Variants in GSE1 observed in about 807,000 individuals in gnomAD.
The protein encoded by GSE1 is genetic suppressor element 1.
In GSE1, 32 loss-of-function variants were observed where a neutral mutation model predicts 112.6. That is an observed-to-expected ratio of 0.28 (90% confidence interval 0.21 to 0.38). GSE1 has a LOEUF of 0.38. Ranked by LOEUF, GSE1 falls within the 10% of genes least tolerant of loss-of-function variation. GSE1 has a pLI of 1.00. For synonymous variants in GSE1, 1,115 were observed against 735.6 expected (o/e 1.52, Z -8.35); for missense variants, 2,348 against 1,699.2 (o/e 1.38, Z -6.71).
chr16:85,606,172 T>C (rs574245079), intron 1 of GSE1, among the ~76,000 whole-genome samples: 178 of 152,318 alleles, frequency 1.2e-3, no homozygotes, highest in African/African-American at 4.2e-3. Flanking sequence ...TGGGATTTTA[T>C]AAAAGCCTGC....
At chr16:85,429,542 T>G (rs1245601425) in intron 2 of GSE1, among the ~76,000 whole-genome samples, 2 of 152,206 alleles carry the variant, frequency 1.3e-5, no homozygotes, top group Admixed American at 6.5e-5. Context: ...CCCATGTCCC[T>G]GGGGACAAAA....
intron 1 of GSE1, among the ~76,000 whole-genome samples, chr16:85,625,147 C>A (rs1174402520): frequency 6.6e-6 from 1 of 152,294 alleles, no homozygotes; most frequent in East Asian, 1.9e-4. Context: ...CGCCTCCCTG[C>A]CGAGGCCAGG....
chr16:85,180,469 A>G (rs941836140), intron 1 of GSE1, among the ~76,000 whole-genome samples: 2 of 152,244 alleles, frequency 1.3e-5, no homozygotes, highest in African/African-American at 4.8e-5. Context: ...GGCTCTGATG[A>G]GAGCTGCAAG....
At chr16:85,457,862 C>T (rs2049871960) in intron 2 of GSE1, among the ~76,000 whole-genome samples, 1 of 152,226 alleles carries the variant, frequency 6.6e-6, no homozygotes, top group Admixed American at 6.5e-5. Flanking sequence ...TAAGGACTGG[C>T]AGTGTGCAGG....
Position 85,655,873 on chromosome 16 carries a change from G to C in GSE1, c.945G>C (p.Leu315=). The change falls in exon 6 of 16, where the codon CTG becomes CTC. Residue 315 remains leucine, a synonymous_variant. Transcript: ENST00000253458. ...CTCCCGAGCTCTCCCACTCATCCCT[G>C]GCAGCGCTGCACTCGGAGCGCATGT... ...RYPPELSHSS[L]AALHSERMSG... 1 of 1,608,248 alleles carries C rather than the reference G, an allele frequency of 6.2e-7. No individual in the cohort carries two copies. Among genetic ancestry groups the C allele is most frequent in the Non-Finnish European group, 8.5e-7 (1 of 1,179,876 alleles).
chr16:85,195,732 G>T (rs2074914279), intron 1 of GSE1, among the ~76,000 whole-genome samples: 1 of 152,194 alleles, frequency 6.6e-6, no homozygotes, highest in African/African-American at 2.4e-5. Flanking sequence ...AGAAGACTCA[G>T]GATGCACCAG....
intron 1 of GSE1, among the ~76,000 whole-genome samples, chr16:85,632,607 T>A (rs893705751): frequency 6.6e-6 from 1 of 152,190 alleles, no homozygotes; most frequent in Non-Finnish European, 1.5e-5. Context: ...TCAATGTCAC[T>A]TAGAATCTGG....
At chr16:85,625,099 C>T (rs943420593) in intron 1 of GSE1, among the ~76,000 whole-genome samples, 2 of 152,186 alleles carry the variant, frequency 1.3e-5, no homozygotes, top group Non-Finnish European at 2.9e-5. Flanking sequence ...CTCAGGGCCC[C>T]GCCCTCTCCC....
chr16:85,438,534 C>T (rs1268040880), intron 2 of GSE1, among the ~76,000 whole-genome samples: 1 of 152,174 alleles, frequency 6.6e-6, no homozygotes, highest in African/African-American at 2.4e-5. Context: ...GTGCTGTCAG[C>T]CTCTTCTTTT....
intron 15 of GSE1, 47 bp downstream of exon 15, chr16:85,671,145 T>A: frequency 8.8e-7 from 1 of 1,136,060 alleles, no homozygotes; most frequent in Non-Finnish European, 1.3e-6. Context: ...ACCTTTTGAG[T>A]TTGGGTTCAG....
chr16:85,440,714 C>G (rs908210494), intron 2 of GSE1, among the ~76,000 whole-genome samples: 1 of 152,212 alleles, frequency 6.6e-6, no homozygotes. Flanking sequence ...TGCTGAGGCC[C>G]CAGGAACCAT....
In GSE1 at chr16:85,666,289, A is replaced by C. The variant is rs200091382; in HGVS notation, c.3072A>C (p.Ala1024=). ...PWEPFVAEEF[A]HQFHESVLQS... is the part of the protein sequence containing the mutation. ...AGCCCTTTGTGGCAGAAGAGTTTGC[A>C]CATCAGTTCCACGAGTCAGTGCTGC... The change falls in exon 13 of 16, where the codon GCA becomes GCC. Residue 1024 remains alanine, a synonymous_variant. Transcript: ENST00000253458. The C allele has an allele frequency of 2.5e-6, 4 of 1,613,882 alleles. No homozygotes were observed. Among genetic ancestry groups the C allele is most frequent in the Non-Finnish European group, 3.4e-6 (4 of 1,180,032 alleles).
chr16:85,672,263 G>T lies in GSE1; in HGVS notation c.3520-142G>T, dbSNP rs1032348303. ...GCCCGCCTCGACCTCCAAAAGTGCT[G>T]GGATTACAGGCGTGAGCCACCACGC... On this transcript the variant is annotated intron_variant, in intron 15 of 15. Coordinates refer to ENST00000253458, the MANE Select transcript of GSE1 (RefSeq NM_014615.5). The T allele has an allele frequency of 4.6e-6, 3 of 649,366 alleles. No individual in the cohort carries two copies. In the African/African-American group the frequency reaches 5.4e-5, roughly 12 times the overall value. 40.2% of individuals were successfully genotyped at this position (649,366 alleles called of 1,614,324 possible).
rs117616437 is a variant in GSE1 at position 85,402,533 on chromosome 16, G to C, written c.2464+44890G>C. On this transcript the variant is annotated intron_variant, in intron 2 of 2. Transcript: ENST00000637419. ...CCAGAGAGAGTGGCCTGCAAGCCAT[G>C]TGGAGCCGGGGCTGGGACATCACAG... Among the ~76,000 whole-genome samples, 376 of 152,342 alleles carry C rather than the reference G, an allele frequency of 2.5e-3. 2 individuals are homozygous for C. The highest frequency in any genetic ancestry group is 4.5e-3 in the Non-Finnish European group (303 of 68,034).
At chr16:85,225,286 G>A (rs1567621721) in intron 1 of GSE1, among the ~76,000 whole-genome samples, 1 of 152,210 alleles carries the variant, frequency 6.6e-6, no homozygotes, top group African/African-American at 2.4e-5. Context: ...TGTGGTTGGG[G>A]CCCTCTCTGC....
At chr16:85,663,295 A>C (rs775087115) in intron 10 of GSE1, 49 bp from the exon 11 acceptor site, 9 of 1,600,224 alleles carry the variant, frequency 5.6e-6, no homozygotes, top group African/African-American at 1.3e-5. Context: ...CAGTGCAAGC[A>C]TACCACTGCC....
At chr16:85,269,691 C>T (rs796659856) in intron 1 of GSE1, among the ~76,000 whole-genome samples, 6 of 149,256 alleles carry the variant, frequency 4.0e-5, no homozygotes, top group African/African-American at 1.5e-4. Flanking sequence ...AAGCCCAAGC[C>T]ATGGGGAAGG....
chr16:85,206,006 C>G (rs1268622416), intron 1 of GSE1, among the ~76,000 whole-genome samples: 3 of 152,178 alleles, frequency 2.0e-5, no homozygotes, highest in African/African-American at 7.2e-5. Flanking sequence ...CCAAATCACA[C>G]AAACAAATGT....
chr16:85,549,361 G>GCGA (rs1298942596), intron 2 of GSE1, among the ~76,000 whole-genome samples: 1 of 151,890 alleles, frequency 6.6e-6, no homozygotes, highest in Non-Finnish European at 1.5e-5. Context: ...ATTTTTTGTA[G>GCGA]CGACGGAGTC....
Sources: allele counts gnomAD v4.1 joint callset (sites outside exome capture counted in the v4.1 genomes callset), GRCh38; gene constraint gnomAD v4.1.1; transcripts MANE v1.5; gene names NCBI Gene and HGNC (gene_info 2026-07-23, HGNC 2026-07-21).